FAM83B: variants seen among roughly 807,000 people sequenced by gnomAD.
FAM83B encodes the protein scaffolding CK1 anchoring protein B, also known as protein FAM83B.
FAM83B carries 26 observed loss-of-function variants against 38.8 expected under a neutral mutation model. That is an observed-to-expected ratio of 0.67 (90% confidence interval 0.49 to 0.93). The LOEUF is 0.93. Ranked by LOEUF, FAM83B falls within the 40% of genes least tolerant of loss-of-function variation. The pLI is 0.00. For synonymous variants in FAM83B, 419 were observed against 423.1 expected (o/e 0.99, Z 0.12); for missense variants, 1,237 against 1,197.3 (o/e 1.03, Z -0.49).
Position 54,944,057 on chromosome 6 carries a change from T to C in FAM83B, c.*2050T>C, listed in dbSNP as rs533697682. Reference sequence around the variant, plus strand: ...AGCAGATTTATTTTTCTCTGCGTTTTTTAAAAATTGTTTTTCTTGTATCTT... The same window carrying C: ...AGCAGATTTATTTTTCTCTGCGTTTCTTAAAAATTGTTTTTCTTGTATCTT... On this transcript the variant is annotated 3_prime_UTR_variant, in exon 5 of 5. Transcript: ENST00000306858. 3.8e-4 allele frequency: 58 copies of C among 152,326 alleles called. No homozygotes were observed. The highest frequency in any genetic ancestry group is 1.4e-3 in the African/African-American group (58 of 41,584). The allele number at this position is 152,326 out of a possible 1,614,324, so 9.4% of individuals were successfully genotyped here.
At chr6:54,927,477 A>G in intron 3 of FAM83B, 31 bp from the exon 4 acceptor site, 1 of 1,514,058 alleles carries the variant, frequency 6.6e-7, no homozygotes, top group South Asian at 1.4e-5. Flanking sequence ...CCTAGCCATA[A>G]TGTCTGCTTT....
At chr6:54,892,649 A>G (rs1189309661) in intron 2 of FAM83B, among the ~76,000 whole-genome samples, 2 of 150,802 alleles carry the variant, frequency 1.3e-5, no homozygotes, top group Non-Finnish European at 3.0e-5. Flanking sequence ...TTTTTCTTCC[A>G]AAAATACTCT....
chr6:54,914,770 G>A (rs1772996775), intron 2 of FAM83B, among the ~76,000 whole-genome samples: 1 of 151,758 alleles, frequency 6.6e-6, no homozygotes, highest in African/African-American at 2.4e-5. Context: ...TCACTTCCTG[G>A]CAAGCCCACA....
intron 2 of FAM83B, among the ~76,000 whole-genome samples, chr6:54,873,309 T>G (rs1771906615): frequency 6.6e-6 from 1 of 152,198 alleles, no homozygotes; most frequent in Non-Finnish European, 1.5e-5. Context: ...CTTAAAGATT[T>G]TTGAAGAATT....
At chr6:54,864,551 T>C (rs1284238232) in intron 1 of FAM83B, among the ~76,000 whole-genome samples, 3 of 152,192 alleles carry the variant, frequency 2.0e-5, no homozygotes, top group African/African-American at 7.2e-5. Flanking sequence ...TAAGTATTAT[T>C]ATGAAGCCAG....
chr6:54,919,561 C>A (rs189302652), intron 2 of FAM83B, among the ~76,000 whole-genome samples: 2 of 151,914 alleles, frequency 1.3e-5, no homozygotes, highest in Non-Finnish European at 2.9e-5. Context: ...GTACAATGTA[C>A]CTTTTAATCC....
At chr6:54,898,932 G>T (rs1445555216) in intron 2 of FAM83B, among the ~76,000 whole-genome samples, 1 of 152,028 alleles carries the variant, frequency 6.6e-6, no homozygotes, top group Non-Finnish European at 1.5e-5. Flanking sequence ...TTTCTATTAA[G>T]CATTTCCTGA....
At chr6:54,851,821 G>A (rs922265800) in intron 1 of FAM83B, among the ~76,000 whole-genome samples, 2 of 151,006 alleles carry the variant, frequency 1.3e-5, no homozygotes, top group African/African-American at 2.4e-5. Context: ...CTAATTTTTT[G>A]TATTTTTAGT....
At chr6:54,852,426 A>G (rs938128418) in intron 1 of FAM83B, among the ~76,000 whole-genome samples, 11 of 152,172 alleles carry the variant, frequency 7.2e-5, no homozygotes, top group African/African-American at 2.7e-4. Flanking sequence ...GCTACAAATC[A>G]TGTGCACATA....
intron 2 of FAM83B, among the ~76,000 whole-genome samples, chr6:54,888,536 A>T (rs1035592155): frequency 6.6e-6 from 1 of 151,798 alleles, no homozygotes; most frequent in African/African-American, 2.4e-5. Context: ...TGTTATTATT[A>T]TTATTGTTAT....
At chr6:54,921,190 C>T (rs1773159095) in intron 2 of FAM83B, among the ~76,000 whole-genome samples, 1 of 151,912 alleles carries the variant, frequency 6.6e-6, no homozygotes, top group South Asian at 2.1e-4. Flanking sequence ...GTATTCCCCC[C>T]TTTACAACCA....
At chr6:54,914,698 A>T (rs574834956) in intron 2 of FAM83B, among the ~76,000 whole-genome samples, 29 of 152,224 alleles carry the variant, frequency 1.9e-4, no homozygotes, top group Non-Finnish European at 3.4e-4. Flanking sequence ...AACTCTGCCA[A>T]CCCTTTAAAA....
intron 2 of FAM83B, among the ~76,000 whole-genome samples, chr6:54,918,993 ACT>A (rs1264415133): frequency 1.3e-5 from 2 of 151,776 alleles, no homozygotes; most frequent in East Asian, 3.9e-4. Flanking sequence ...ACCACTAATT[ACT>A]CTGTCCTGAC....
Position 54,941,451 on chromosome 6 carries a change from C to T in FAM83B, c.2480C>T (p.Ser827Phe). The T allele has an allele frequency of 6.2e-7, 1 of 1,613,028 alleles. No individual in the cohort carries two copies. Among genetic ancestry groups the T allele is most frequent in the Admixed American group, 1.7e-5 (1 of 59,760 alleles). ...AAATCAGACACAAAAGTTGATTCAT[C>T]TCCTAGAAGAAAGCATTCTTCCTCA... ...PKKSDTKVDS[S>F]PRRKHSSSSN... is the part of the protein sequence containing the mutation. Residue 827 changes from serine to phenylalanine, a missense_variant, in exon 5 of 5, where the codon TCT becomes TTT. Ser to Phe is a radical substitution (Grantham distance 155). Transcript: ENST00000306858.
In FAM83B at chr6:54,876,877, G is replaced by T. The variant is rs958601154; in HGVS notation, c.444+6187G>T. 2.0e-5 allele frequency among the ~76,000 whole-genome samples: 3 copies of T among 152,122 alleles called. No individual in the cohort carries two copies. The East Asian group carries it at 5.8e-4, about 29-fold the overall frequency. Reference sequence around the variant, plus strand: ...CTCTGAAGTAGAATGTTTATTTTTTGTGATTGTTTATGTTTACTCATTCTT... The same window carrying T: ...CTCTGAAGTAGAATGTTTATTTTTTTTGATTGTTTATGTTTACTCATTCTT... On this transcript the variant is annotated intron_variant, in intron 2 of 4. Transcript: ENST00000306858.
rs752266905 is a variant in FAM83B at position 54,941,414 on chromosome 6, C to CA, written c.2448dup (p.Pro817ThrfsTer9). 4.3e-6 allele frequency: 7 copies of CA among 1,612,778 alleles called. No individual in the cohort carries two copies. On this transcript the variant is annotated frameshift_variant, in exon 5 of 5. Coordinates refer to ENST00000306858, the MANE Select transcript of FAM83B (RefSeq NM_001010872.3). LOFTEE classifies it low-confidence loss of function (END_TRUNC). The stretch of plus-strand genomic sequence containing the variant: ...ATTAGTTTCTGAGGGTGAAGAAAAT[C>CA]AAAAACCAAAGAAATCAGACACAAA...
chr6:54,927,462 C>A (rs1416114695), intron 3 of FAM83B, 46 bp from the exon 4 acceptor site: 3 of 1,420,170 alleles, frequency 2.1e-6, no homozygotes, highest in South Asian at 1.8e-5. Flanking sequence ...TCAAAATATT[C>A]TTTTCCTAGC....
At chr6:54,848,557 G>T (rs1771195346) in intron 1 of FAM83B, among the ~76,000 whole-genome samples, 1 of 152,038 alleles carries the variant, frequency 6.6e-6, no homozygotes, top group African/African-American at 2.4e-5. Context: ...AACTTTTTTG[G>T]GATGAAGTAA....
In FAM83B at chr6:54,926,367, A is replaced by G; in HGVS notation, c.445-4A>G. 1 of 1,540,032 alleles carries G rather than the reference A, an allele frequency of 6.5e-7. No homozygotes were observed. Among genetic ancestry groups the G allele is most frequent in the Non-Finnish European group, 8.8e-7 (1 of 1,134,676 alleles). On this transcript the variant is annotated splice_polypyrimidine_tract_variant and splice_region_variant and intron_variant, in intron 2 of 4. Coordinates refer to ENST00000306858, the MANE Select transcript of FAM83B (RefSeq NM_001010872.3). The stretch of plus-strand genomic sequence containing the variant: ...AAATTGTTTCATATTCTTATATTTA[A>G]CAGGTCATTGCTTTAGTGATGGATA...
Sources: allele counts gnomAD v4.1 joint callset (sites outside exome capture counted in the v4.1 genomes callset), GRCh38; gene constraint gnomAD v4.1.1; transcripts MANE v1.5; gene names NCBI Gene and HGNC (gene_info 2026-07-23, HGNC 2026-07-21).